The following KCNQ5 variants were observed in gnomAD, a reference collection of about 807,000 sequenced individuals.
The protein encoded by KCNQ5 is potassium voltage-gated channel subfamily Q member 5, also known as potassium voltage-gated channel subfamily KQT member 5.
In KCNQ5, 30 loss-of-function variants were observed where a neutral mutation model predicts 98.2. That is an observed-to-expected ratio of 0.31 (90% CI 0.23 to 0.41). The LOEUF is 0.41. Ranked by LOEUF, KCNQ5 falls within the 10% of genes least tolerant of loss-of-function variation. The pLI is 1.00. For synonymous variants in KCNQ5, 458 were observed against 449.4 expected, an observed-to-expected ratio of 1.02 and a Z score of -0.24; for missense variants, 835 against 1,182.5, an observed-to-expected ratio of 0.71 and a Z score of 4.31.
At chr6:72,986,919 A>C in intron 1 of KCNQ5, 1 of 845,696 alleles carries the variant, frequency 1.2e-6, no homozygotes, top group South Asian at 1.5e-5. Flanking sequence ...AAGAAGGGTG[A>C]GGAACAGGCA....
At chr6:73,011,935 T>C (rs920830379) in intron 2 of KCNQ5, among the ~76,000 whole-genome samples, 1 of 152,012 alleles carries the variant, frequency 6.6e-6, no homozygotes, top group African/African-American at 2.4e-5. Context: ...CTCACACCCG[T>C]TAGGATGGCT....
At chr6:72,667,500 C>T (rs1160199565) in intron 1 of KCNQ5, among the ~76,000 whole-genome samples, 5 of 151,966 alleles carry the variant, frequency 3.3e-5, no homozygotes, top group Admixed American at 2.6e-4. Context: ...AAGATCTACC[C>T]GTGGGTATTA....
chr6:73,074,445 A>G (rs1243766983), intron 3 of KCNQ5, among the ~76,000 whole-genome samples: 6 of 152,320 alleles, frequency 3.9e-5, no homozygotes, highest in African/African-American at 1.4e-4. Flanking sequence ...CAATGAGGGT[A>G]TTAAATCAAA....
intron 1 of KCNQ5, among the ~76,000 whole-genome samples, chr6:72,867,173 G>T (rs1241948847): frequency 6.6e-6 from 1 of 152,210 alleles, no homozygotes; most frequent in East Asian, 1.9e-4. Context: ...TTACTGAATT[G>T]TAATCTAACT....
chr6:72,622,690 A>C lies in KCNQ5; in HGVS notation c.398+103A>C, dbSNP rs1389367173. The C allele has an allele frequency of 2.3e-6, 3 of 1,298,268 alleles. No homozygotes were observed. The highest frequency in any genetic ancestry group is 3.2e-6 in the Non-Finnish European group (3 of 937,068). 80.4% of individuals were successfully genotyped at this position (1,298,268 alleles called of 1,614,324 possible). ...CGCCCTTGGGCCCCCGCGCGCGTGC[A>C]CACGTGGTGGCTTTTATTTCTTCGC... On this transcript the variant is annotated intron_variant, in intron 1 of 13. Transcript: ENST00000370398. This position sits in a 1 kb window ranked among gnomAD's most constrained non-coding sequence, Gnocchi z 6.0.
intron 1 of KCNQ5, among the ~76,000 whole-genome samples, chr6:72,958,774 A>G (rs746579406): frequency 6.6e-6 from 1 of 152,226 alleles, no homozygotes; most frequent in Non-Finnish European, 1.5e-5. Context: ...ATGGAAACAT[A>G]ATTTCTTACA....
At chr6:73,163,722 T>G (rs2150496960) in intron 10 of KCNQ5, among the ~76,000 whole-genome samples, 1 of 152,340 alleles carries the variant, frequency 6.6e-6, no homozygotes, top group South Asian at 2.1e-4. Context: ...CACTCCAGCC[T>G]GGGCTAAAGA....
chr6:73,055,118 C>T, intron 3 of KCNQ5: 1 of 749,590 alleles, frequency 1.3e-6, no homozygotes, highest in East Asian at 2.5e-5. Flanking sequence ...CAAACTGGTG[C>T]AGATCCAGCA....
intron 1 of KCNQ5, among the ~76,000 whole-genome samples, chr6:72,780,435 A>G (rs1773402998): frequency 1.3e-5 from 2 of 152,250 alleles, no homozygotes; most frequent in Admixed American, 1.3e-4. Context: ...GGAGCCCATC[A>G]TTCTGATGAA....
intron 1 of KCNQ5, among the ~76,000 whole-genome samples, chr6:72,906,343 A>G (rs1248738587): frequency 1.3e-5 from 2 of 152,226 alleles, no homozygotes; most frequent in Non-Finnish European, 2.9e-5. Context: ...AAAAGAAAGT[A>G]GGACATTAGT....
chr6:72,680,271 A>C lies in KCNQ5; in HGVS notation c.398+57684A>C, dbSNP rs186254881. Among the ~76,000 whole-genome samples the C allele has an allele frequency of 2.6e-5, 4 of 152,284 alleles. No individual in the cohort carries two copies. The East Asian group carries it at 7.7e-4, about 29-fold the overall frequency. ...TTGCCTATTCTGGACATTTGGTATA[A>C]ATGGAATCATGTAATATGTGGCCCT... is the stretch of plus-strand genomic sequence containing the variant. On this transcript the variant is annotated intron_variant, in intron 1 of 13. Transcript: ENST00000370398.
chr6:72,862,763 G>A (rs1010030608), intron 1 of KCNQ5, among the ~76,000 whole-genome samples: 23 of 152,080 alleles, frequency 1.5e-4, no homozygotes, highest in African/African-American at 5.5e-4. Context: ...GAATAACTGG[G>A]ACTACAGGCA....
intron 10 of KCNQ5, among the ~76,000 whole-genome samples, chr6:73,154,961 G>A (rs1447685004): frequency 2.0e-5 from 3 of 151,854 alleles, no homozygotes; most frequent in Admixed American, 6.5e-5. Flanking sequence ...GACAAGGCAC[G>A]GTCCTGCCCT....
rs114325340 is a variant in KCNQ5 at position 72,872,684 on chromosome 6, A to G, written c.399-131224A>G. Reference sequence around the variant, plus strand: ...CCCAGACCATCCAGCACAGGCCTACACTTTGCTGATTTACAACGAGGAAAA... The same window carrying G: ...CCCAGACCATCCAGCACAGGCCTACGCTTTGCTGATTTACAACGAGGAAAA... On this transcript the variant is annotated intron_variant, in intron 1 of 13. Transcript: ENST00000370398. Among the ~76,000 whole-genome samples, 720 of 152,234 alleles carry G rather than the reference A, an allele frequency of 4.7e-3. 5 individuals carry two copies. The highest frequency in any genetic ancestry group is 0.017 in the African/African-American group (692 of 41,564).
At chr6:72,677,295 T>C (rs771281330) in intron 1 of KCNQ5, 6 of 152,336 alleles carry the variant, frequency 3.9e-5, no homozygotes, top group East Asian at 3.9e-4. Context: ...CCTGGTGAGA[T>C]TGATTATCTT....
chr6:72,813,399 T>C (rs1020268168), intron 1 of KCNQ5, among the ~76,000 whole-genome samples: 1 of 152,210 alleles, frequency 6.6e-6, no homozygotes, highest in African/African-American at 2.4e-5. Flanking sequence ...GTATAGTTTA[T>C]TGCTTCGTAA....
At chr6:72,699,500 G>A (rs1276448140) in intron 1 of KCNQ5, among the ~76,000 whole-genome samples, 1 of 152,090 alleles carries the variant, frequency 6.6e-6, no homozygotes, top group Non-Finnish European at 1.5e-5. Flanking sequence ...TAAGTCTAAT[G>A]TTTTTTCTTA....
intron 11 of KCNQ5, among the ~76,000 whole-genome samples, chr6:73,188,793 G>A (rs1223079633): frequency 1.3e-5 from 2 of 151,984 alleles, no homozygotes; most frequent in African/African-American, 2.4e-5. Flanking sequence ...GACCAGCCTG[G>A]CCAATATGGT....
At chr6:72,900,402 A>G (rs1457849759) in intron 1 of KCNQ5, among the ~76,000 whole-genome samples, 2 of 146,236 alleles carry the variant, frequency 1.4e-5, no homozygotes, top group African/African-American at 5.1e-5. Context: ...TATATATATG[A>G]TGAAATATAT....
Sources: allele counts gnomAD v4.1 joint callset (sites outside exome capture counted in the v4.1 genomes callset), GRCh38; gene constraint gnomAD v4.1.1; non-coding constraint Gnocchi (gnomAD v3.1); transcripts MANE v1.5; gene names NCBI Gene and HGNC (gene_info 2026-07-23, HGNC 2026-07-21).